CDH13: variants seen among roughly 807,000 people sequenced by gnomAD.
CDH13 encodes the protein cadherin 13.
Under a neutral mutation model 63.8 loss-of-function variants are expected in CDH13, and 24 were observed. The observed-to-expected ratio is 0.38, with a 90% CI of 0.27 to 0.53. CDH13 has a LOEUF of 0.53. CDH13 is among the 20% of genes least tolerant of loss of function. The pLI is 0.85. For missense variants in CDH13, 1,049 were observed against 903.1 expected, an observed-to-expected ratio of 1.16 and a Z score of -2.07; for synonymous variants, 503 against 355.3, an observed-to-expected ratio of 1.42 and a Z score of -4.67.
chr16:83,026,072 C>T (rs535560554), intron 2 of CDH13, among the ~76,000 whole-genome samples: 1 of 152,312 alleles, frequency 6.6e-6, no homozygotes, highest in Admixed American at 6.5e-5. Flanking sequence ...CAAAAATATA[C>T]AAAGACCCAA....
rs147910997 is a variant in CDH13 at position 82,951,807 on chromosome 16, C to T, written c.158-80203C>T. Among the ~76,000 whole-genome samples the T allele has an allele frequency of 6.6e-3, 1,002 of 152,298 alleles. 9 individuals carry two copies. Among genetic ancestry groups the T allele is most frequent in the African/African-American group, 0.022 (915 of 41,550 alleles). ...GACATAAATTCACACACGGGCTCAGCTGTTGTACACCCATGGGAATCAGGA... is the reference window on the plus strand; with the variant it reads ...GACATAAATTCACACACGGGCTCAGTTGTTGTACACCCATGGGAATCAGGA... On this transcript the variant is annotated intron_variant, in intron 2 of 13. Transcript: ENST00000567109.
chr16:82,637,055 G>T (rs561880235), intron 1 of CDH13, among the ~76,000 whole-genome samples: 1 of 152,184 alleles, frequency 6.6e-6, no homozygotes, highest in South Asian at 2.1e-4. Context: ...AGAATGCAGG[G>T]AAGTCCAATT....
At chr16:82,939,946 T>C (rs1341880895) in intron 2 of CDH13, among the ~76,000 whole-genome samples, 1 of 152,142 alleles carries the variant, frequency 6.6e-6, no homozygotes, top group Non-Finnish European at 1.5e-5. Flanking sequence ...CTCACAATCA[T>C]GGTGGAAGGT....
intron 2 of CDH13, among the ~76,000 whole-genome samples, chr16:82,983,668 C>T (rs1187382246): frequency 6.6e-6 from 1 of 152,118 alleles, no homozygotes; most frequent in East Asian, 1.9e-4. Flanking sequence ...AGTTAATTGC[C>T]TGGAGATTTG....
At chr16:83,067,780 C>G (rs969038158) in intron 3 of CDH13, among the ~76,000 whole-genome samples, 3 of 152,160 alleles carry the variant, frequency 2.0e-5, no homozygotes, top group Admixed American at 6.5e-5. Context: ...AGTAATCTCT[C>G]TTGGTTCCTC....
intron 2 of CDH13, among the ~76,000 whole-genome samples, chr16:82,973,566 G>C (rs1371054217): frequency 2.0e-5 from 3 of 152,184 alleles, no homozygotes; most frequent in Non-Finnish European, 4.4e-5. Flanking sequence ...TCACGGTAAA[G>C]CTAGAAATGT....
chr16:82,832,364 A>G (rs916681756), intron 1 of CDH13, among the ~76,000 whole-genome samples: 1 of 152,118 alleles, frequency 6.6e-6, no homozygotes, highest in African/African-American at 2.4e-5. Flanking sequence ...TGTCTTTTTC[A>G]TAGTTTTCAG....
chr16:83,291,884 T>C (rs904929826), intron 5 of CDH13, among the ~76,000 whole-genome samples: 1 of 152,218 alleles, frequency 6.6e-6, no homozygotes, highest in East Asian at 1.9e-4. Context: ...TCCATATAGC[T>C]AATGTCATCT....
In CDH13 at chr16:83,446,012, A is replaced by T. The variant is rs184976079; in HGVS notation, c.782-40465A>T. Among the ~76,000 whole-genome samples, 5 of 152,232 alleles carry T rather than the reference A, an allele frequency of 3.3e-5. No individual in the cohort carries two copies. In the East Asian group the frequency reaches 9.7e-4, roughly 29 times the overall value. ...TTTTTATTGGGTATAGAAAAACATG[A>T]GGAAGGTCAGGTGCTGTGGCTCAGG... On this transcript the variant is annotated intron_variant, in intron 6 of 13. Transcript: ENST00000567109.
At chr16:83,756,381 T>G (rs2150981981) in intron 11 of CDH13, among the ~76,000 whole-genome samples, 1 of 152,204 alleles carries the variant, frequency 6.6e-6, no homozygotes, top group South Asian at 2.1e-4. Flanking sequence ...AGAATGGAAA[T>G]AAAAGAAAAA....
intron 7 of CDH13, among the ~76,000 whole-genome samples, chr16:83,516,981 G>A (rs1469841282): frequency 6.6e-6 from 1 of 152,160 alleles, no homozygotes; most frequent in East Asian, 1.9e-4. Flanking sequence ...AGAAATCAGT[G>A]AGTGTAAGAA....
At chr16:82,683,868 C>T (rs1053009289) in intron 1 of CDH13, among the ~76,000 whole-genome samples, 1 of 152,106 alleles carries the variant, frequency 6.6e-6, no homozygotes, top group South Asian at 2.1e-4. Context: ...GTTAAGGTAC[C>T]GATGGTTTTG....
chr16:83,165,650 A>G (rs1278621307), intron 4 of CDH13, among the ~76,000 whole-genome samples: 2 of 152,064 alleles, frequency 1.3e-5, no homozygotes, highest in African/African-American at 4.8e-5. Context: ...GAGGAAGGAT[A>G]AGAAGCAAAT....
chr16:82,856,693 CAAAAAAAAAA>C lies in CDH13; in HGVS notation c.46-1650_46-1641del, dbSNP rs56106728. ...TGGGCAACATGGCAAGACTCGGTCT[CAAAAAAAAAA>C]AAAAAAAAAAAAAAAAAAGGAAACT... is the stretch of plus-strand genomic sequence containing the variant. On this transcript the variant is annotated intron_variant, in intron 1 of 13. Coordinates refer to ENST00000567109, the MANE Select transcript of CDH13 (RefSeq NM_001257.5). 2.0e-4 allele frequency among the ~76,000 whole-genome samples: 10 copies of C among 49,554 alleles called. No individual in the cohort carries two copies. In the East Asian group the frequency reaches 3.5e-3, roughly 17 times the overall value. The allele number at this position is 49,554 out of a possible 152,430, so 32.5% of individuals were successfully genotyped here.
chr16:83,251,546 C>G (rs1165071837), intron 5 of CDH13, among the ~76,000 whole-genome samples: 1 of 152,194 alleles, frequency 6.6e-6, no homozygotes, highest in Admixed American at 6.5e-5. Flanking sequence ...TGTCCTCATT[C>G]TGATGGGTCC....
intron 2 of CDH13, among the ~76,000 whole-genome samples, chr16:82,897,653 C>T (rs563782332): frequency 6.6e-6 from 1 of 152,252 alleles, no homozygotes; most frequent in Non-Finnish European, 1.5e-5. Flanking sequence ...GAAGTTGACA[C>T]TTAAAGCCCA....
At chr16:82,730,431 G>A (rs978649160) in intron 1 of CDH13, among the ~76,000 whole-genome samples, 1 of 152,184 alleles carries the variant, frequency 6.6e-6, no homozygotes, top group African/African-American at 2.4e-5. Flanking sequence ...GGAGAGGAAA[G>A]GCTGGTTGGT....
At chr16:83,360,167 G>A (rs567746319) in intron 6 of CDH13, among the ~76,000 whole-genome samples, 7 of 152,270 alleles carry the variant, frequency 4.6e-5, no homozygotes, top group African/African-American at 7.2e-5. Context: ...ATTTGCTCTC[G>A]CCATAGGAAA....
intron 1 of CDH13, among the ~76,000 whole-genome samples, chr16:82,674,436 C>G (rs904466799): frequency 6.6e-6 from 1 of 152,300 alleles, no homozygotes; most frequent in East Asian, 1.9e-4. Flanking sequence ...GAAGTGTTAG[C>G]AATCCTCCAG....
Sources: gnomAD v4.1 joint callset for allele counts (sites outside exome capture counted in the v4.1 genomes callset) on GRCh38, gnomAD v4.1.1 for gene constraint, MANE v1.5 for transcripts, NCBI Gene and HGNC (gene_info 2026-07-23, HGNC 2026-07-21) for gene names.